Variants in RAB3C observed in about 807,000 individuals in gnomAD.
RAB3C encodes the protein ras-related protein Rab-3C.
In RAB3C, 17 loss-of-function variants were observed where a neutral mutation model predicts 26.4. That is an observed-to-expected ratio of 0.64 (90% CI 0.44 to 0.97). The LOEUF (loss-of-function observed/expected upper bound fraction) is 0.97, where lower values mean the gene tolerates loss of function less well. Ranked by LOEUF, RAB3C falls within the 50% of genes least tolerant of loss-of-function variation. The pLI is 0.00. For synonymous variants in RAB3C, 91 were observed against 95.9 expected (o/e 0.95, Z 0.30); for missense variants, 242 against 281.9 (o/e 0.86, Z 1.01).
chr5:58,850,385 G>A (rs1744089001), intron 4 of RAB3C, among the ~76,000 whole-genome samples: 1 of 152,184 alleles, frequency 6.6e-6, no homozygotes, highest in Non-Finnish European at 1.5e-5. Context: ...GCTGATAGGT[G>A]CAGAGGTATA....
intron 3 of RAB3C, among the ~76,000 whole-genome samples, chr5:58,775,865 T>TA (rs1742121059): frequency 6.6e-6 from 1 of 152,100 alleles, no homozygotes; most frequent in Non-Finnish European, 1.5e-5. Context: ...TGGTAAGTGT[T>TA]ACTCATCATT....
At chr5:58,825,273 C>A (rs1021197470) in intron 4 of RAB3C, 111 bp downstream of exon 4, 14 of 1,186,706 alleles carry the variant, frequency 1.2e-5, no homozygotes, top group Non-Finnish European at 1.5e-5. Flanking sequence ...GTTTGTCAAT[C>A]TAAGAGTGGA....
At chr5:58,795,574 C>G (rs10940624) in intron 3 of RAB3C, among the ~76,000 whole-genome samples, 46 of 152,198 alleles carry the variant, frequency 3.0e-4, no homozygotes, top group African/African-American at 1.1e-3. Flanking sequence ...GTACTTCATT[C>G]TGGGTGAAGG....
chr5:58,625,530 C>T (rs1747032592), intron 2 of RAB3C, among the ~76,000 whole-genome samples: 1 of 152,094 alleles, frequency 6.6e-6, no homozygotes, highest in Non-Finnish European at 1.5e-5. Context: ...GGACTTCTAT[C>T]CCAAGACTGC....
chr5:58,592,286 A>C (rs1746150143), intron 1 of RAB3C, among the ~76,000 whole-genome samples: 1 of 152,182 alleles, frequency 6.6e-6, no homozygotes, highest in African/African-American at 2.4e-5. Flanking sequence ...CTTATTATAC[A>C]GTCTACTTAG....
intron 2 of RAB3C, among the ~76,000 whole-genome samples, chr5:58,688,556 CTCAAAAGG>C (rs1180268904): frequency 6.6e-6 from 1 of 152,098 alleles, no homozygotes; most frequent in Non-Finnish European, 1.5e-5. Context: ...TAACAATCTG[CTCAAAAGG>C]TTTAGCTCCT....
chr5:58,755,553 G>A (rs1489493023), intron 3 of RAB3C, among the ~76,000 whole-genome samples: 1 of 152,198 alleles, frequency 6.6e-6, no homozygotes, highest in Non-Finnish European at 1.5e-5. Context: ...AGGACTCGGG[G>A]CAGGCAGGAC....
At chr5:58,721,649 C>T (rs767046264) in intron 2 of RAB3C, among the ~76,000 whole-genome samples, 2 of 151,624 alleles carry the variant, frequency 1.3e-5, no homozygotes, top group African/African-American at 4.8e-5. Flanking sequence ...CCTGATATAA[C>T]GGAAGAAAAT....
chr5:58,689,448 C>CAA (rs1748516019), intron 2 of RAB3C: 1 of 151,990 alleles, frequency 6.6e-6, no homozygotes, highest in Admixed American at 6.6e-5. Context: ...AGAGGGCATC[C>CAA]CATGAAGTAA....
intron 2 of RAB3C, among the ~76,000 whole-genome samples, chr5:58,701,463 T>A (rs965702315): frequency 2.6e-5 from 4 of 152,242 alleles, no homozygotes; most frequent in African/African-American, 9.6e-5. Flanking sequence ...TGCCTCTCTT[T>A]ATTTTTAAGC....
At chr5:58,660,148 T>TAG (rs1747870843) in intron 2 of RAB3C, among the ~76,000 whole-genome samples, 5 of 149,744 alleles carry the variant, frequency 3.3e-5, no homozygotes, top group Admixed American at 1.3e-4. Context: ...GATGAAGAAA[T>TAG]AAAACAAAAC....
intron 3 of RAB3C, among the ~76,000 whole-genome samples, chr5:58,730,548 G>T (rs1302666741): frequency 6.6e-6 from 1 of 151,974 alleles, no homozygotes; most frequent in Non-Finnish European, 1.5e-5. Flanking sequence ...CTGATCTTAA[G>T]TGTATAAAAA....
chr5:58,766,257 C>G (rs1474165084), intron 3 of RAB3C, among the ~76,000 whole-genome samples: 3 of 151,950 alleles, frequency 2.0e-5, no homozygotes, highest in Admixed American at 2.0e-4. Context: ...GCTGGGATTA[C>G]AGGCGTGTGC....
At chr5:58,704,596 C>T (rs1195718743) in intron 2 of RAB3C, among the ~76,000 whole-genome samples, 4 of 152,026 alleles carry the variant, frequency 2.6e-5, no homozygotes, top group African/African-American at 9.7e-5. Flanking sequence ...ATGATCTGTG[C>T]TGAATGTATC....
intron 3 of RAB3C, among the ~76,000 whole-genome samples, chr5:58,818,860 C>T (rs1475050255): frequency 2.0e-5 from 3 of 152,126 alleles, no homozygotes; most frequent in Non-Finnish European, 4.4e-5. Flanking sequence ...AAGGTAAATA[C>T]ATATAAATAC....
rs199850819 is a variant in RAB3C, at chr5:58,851,244, G to A, written c.577G>A (p.Asp193Asn). Residue 193 changes from aspartate (D) to asparagine (N), a missense_variant, in exon 5 of 5, where the codon GAC becomes AAC. Transcript: ENST00000282878. The stretch of plus-strand genomic sequence containing the variant: ...TGAGCGCCTTGTGGATATCATCTGC[G>A]ACAAAATGTCAGAGAGTTTGGAGAC... The part of the protein sequence containing the change: ...TFERLVDIIC[D>N]KMSESLETDP... 1.9e-5 allele frequency: 30 copies of A among 1,613,798 alleles called. No homozygotes were observed. Among genetic ancestry groups the A allele is most frequent in the Admixed American group, 8.3e-5 (5 of 59,938 alleles).
intron 3 of RAB3C, among the ~76,000 whole-genome samples, chr5:58,733,563 G>A (rs1432267878): frequency 6.6e-6 from 1 of 152,120 alleles, no homozygotes; most frequent in Non-Finnish European, 1.5e-5. Context: ...GGAAAGTAAA[G>A]GCTACTTCTT....
At chr5:58,777,494 G>C (rs1742169592) in intron 3 of RAB3C, among the ~76,000 whole-genome samples, 1 of 151,554 alleles carries the variant, frequency 6.6e-6, no homozygotes. Context: ...GTCCATAGCA[G>C]TTCATATAGC....
At chr5:58,783,489 T>C (rs1742313744) in intron 3 of RAB3C, among the ~76,000 whole-genome samples, 1 of 152,204 alleles carries the variant, frequency 6.6e-6, no homozygotes, top group South Asian at 2.1e-4. Flanking sequence ...AATCTTTTAT[T>C]AGGATATATT....
Sources: allele counts gnomAD v4.1 joint callset (sites outside exome capture counted in the v4.1 genomes callset), GRCh38; gene constraint gnomAD v4.1.1; transcripts MANE v1.5; gene names NCBI Gene and HGNC (gene_info 2026-07-23, HGNC 2026-07-21).